The following RASA1 variants were observed in gnomAD, a reference collection of about 807,000 sequenced individuals.
RASA1 encodes the protein RAS p21 protein activator 1.
Under a neutral mutation model 132.2 loss-of-function variants are expected in RASA1, and 25 were observed. That is an observed-to-expected ratio of 0.19 (90% CI 0.14 to 0.26). RASA1 has a LOEUF of 0.26. RASA1 is among the 10% of genes least tolerant of loss of function. The pLI, the probability that RASA1 is intolerant of heterozygous loss-of-function variation, is 1.00. For missense variants in RASA1, 964 were observed against 1,299.2 expected, an observed-to-expected ratio of 0.74 and a Z score of 3.97; for synonymous variants, 477 against 449.9, an observed-to-expected ratio of 1.06 and a Z score of -0.76.
intron 18 of RASA1, 90 bp downstream of exon 18, chr5:87,378,628 T>C (rs1025560119): frequency 1.3e-5 from 17 of 1,338,196 alleles, no homozygotes; most frequent in Non-Finnish European, 1.8e-5. Context: ...AAGGAAAATA[T>C]ATTAAATTTC....
At chr5:87,370,617 G>A (rs2112476480) in intron 12 of RASA1, among the ~76,000 whole-genome samples, 1 of 152,250 alleles carries the variant, frequency 6.6e-6, no homozygotes, top group Admixed American at 6.5e-5. Context: ...GTAAGATCGA[G>A]ACACTGTAAG....
intron 4 of RASA1, 82 bp from the exon 5 acceptor site, chr5:87,337,892 A>G (rs1758088609): frequency 9.4e-6 from 13 of 1,385,602 alleles, no homozygotes; most frequent in East Asian, 2.6e-5. Flanking sequence ...TACTATCCCT[A>G]TCCTATTTTG....
chr5:87,362,265 C>T (rs777296299), intron 9 of RASA1, among the ~76,000 whole-genome samples: 19 of 152,130 alleles, frequency 1.2e-4, no homozygotes, highest in South Asian at 2.1e-4. Context: ...ATATAACTGA[C>T]TGTATTCGAA....
intron 1 of RASA1, among the ~76,000 whole-genome samples, chr5:87,286,766 T>C (rs1754582536): frequency 1.3e-5 from 2 of 151,196 alleles, no homozygotes; most frequent in Non-Finnish European, 3.0e-5. Flanking sequence ...CTAAAAGAAA[T>C]AGATTTTACA....
intron 1 of RASA1, among the ~76,000 whole-genome samples, chr5:87,274,338 CATTCTT>C (rs1753977380): frequency 1.3e-5 from 2 of 152,204 alleles, no homozygotes; most frequent in East Asian, 3.9e-4. Context: ...AAAATAAAAT[CATTCTT>C]ATTAAGTCAA....
At chr5:87,314,667 C>T (rs1756184905) in intron 1 of RASA1, among the ~76,000 whole-genome samples, 1 of 151,100 alleles carries the variant, frequency 6.6e-6, no homozygotes, top group Admixed American at 6.6e-5. Context: ...ATGTTAATGG[C>T]AAGTAAAGAT....
At chr5:87,281,346 C>T (rs1486062259) in intron 1 of RASA1, among the ~76,000 whole-genome samples, 1 of 151,300 alleles carries the variant, frequency 6.6e-6, no homozygotes, top group African/African-American at 2.4e-5. Context: ...GCAATCTCGT[C>T]TTACTGCAAT....
intron 18 of RASA1, 142 bp downstream of exon 18, chr5:87,378,680 T>C (rs1210280284): frequency 3.4e-6 from 3 of 883,500 alleles, no homozygotes; most frequent in South Asian, 1.7e-5. Context: ...CTGTAATACA[T>C]TTATAAAAAT....
At chr5:87,303,390 T>C (rs1381406431) in intron 1 of RASA1, among the ~76,000 whole-genome samples, 1 of 152,130 alleles carries the variant, frequency 6.6e-6, no homozygotes, top group Non-Finnish European at 1.5e-5. Flanking sequence ...ACTTTTTGTC[T>C]TTTCTAATTT....
intron 9 of RASA1, among the ~76,000 whole-genome samples, chr5:87,356,484 G>A (rs1759659965): frequency 1.3e-5 from 2 of 151,818 alleles, no homozygotes; most frequent in South Asian, 2.1e-4. Flanking sequence ...TGAGCTCCTG[G>A]GCTCAAGCAA....
At chr5:87,347,875 C>A (rs1223721110) in intron 7 of RASA1, among the ~76,000 whole-genome samples, 1 of 151,928 alleles carries the variant, frequency 6.6e-6, no homozygotes, top group Non-Finnish European at 1.5e-5. Context: ...ACTTGTACCA[C>A]CAAGTACTTG....
chr5:87,377,004 T>C lies in RASA1; in HGVS notation c.2308T>C (p.Leu770=). The stretch of plus-strand genomic sequence containing the variant: ...TCACGAAAAGCTTGAATCGTTGTTG[T>C]TATGCACACTAAATGACAGAGAAAT... ...FLHEKLESLL[L]CTLNDREISM... Residue 770 remains leucine, a synonymous_variant, in exon 17 of 25, where the codon TTA becomes CTA. Coordinates refer to ENST00000274376, the MANE Select transcript of RASA1 (RefSeq NM_002890.3). 6.2e-7 allele frequency: 1 copy of C among 1,613,870 alleles called. No individual in the cohort carries two copies. The highest frequency in any genetic ancestry group is 8.5e-7 in the Non-Finnish European group (1 of 1,179,804).
At chr5:87,367,016 G>A (rs901865457) in intron 11 of RASA1, among the ~76,000 whole-genome samples, 4 of 152,204 alleles carry the variant, frequency 2.6e-5, no homozygotes, top group African/African-American at 9.6e-5. Flanking sequence ...CCATGGCAGA[G>A]TGAGGCCCGG....
At chr5:87,330,479 A>G (rs1188256852) in intron 1 of RASA1, among the ~76,000 whole-genome samples, 2 of 152,180 alleles carry the variant, frequency 1.3e-5, no homozygotes, top group Admixed American at 6.5e-5. Flanking sequence ...TCTAAGGATG[A>G]GTTTGGCTAA....
intron 22 of RASA1, among the ~76,000 whole-genome samples, 187 bp from the exon 23 acceptor site, chr5:87,386,639 T>C (rs1762080648): frequency 6.6e-6 from 1 of 152,084 alleles, no homozygotes; most frequent in Non-Finnish European, 1.5e-5. Flanking sequence ...TTAATTCTTG[T>C]GAATGTGTTG....
intron 1 of RASA1, among the ~76,000 whole-genome samples, chr5:87,318,038 C>T (rs1445386395): frequency 6.6e-6 from 1 of 151,868 alleles, no homozygotes; most frequent in African/African-American, 2.4e-5. Flanking sequence ...AAACAGTTTT[C>T]TAAAGGATAT....
chr5:87,328,934 A>G (rs970989816), intron 1 of RASA1, among the ~76,000 whole-genome samples: 2 of 151,762 alleles, frequency 1.3e-5, no homozygotes, highest in Admixed American at 1.3e-4. Context: ...GATCAAATCA[A>G]CTAAGTAAAT....
At chr5:87,382,706 A>G (rs909380230) in intron 20 of RASA1, among the ~76,000 whole-genome samples, 1 of 152,174 alleles carries the variant, frequency 6.6e-6, no homozygotes, top group Admixed American at 6.6e-5. Flanking sequence ...CATATATGAC[A>G]GCTGTTAGTA....
chr5:87,340,773 G>A (rs1044107676), intron 5 of RASA1, among the ~76,000 whole-genome samples: 2 of 152,032 alleles, frequency 1.3e-5, no homozygotes, highest in South Asian at 2.1e-4. Flanking sequence ...AGCAAAAAGT[G>A]GAAAGTACAT....
Sources: allele counts gnomAD v4.1 joint callset (sites outside exome capture counted in the v4.1 genomes callset), GRCh38; gene constraint gnomAD v4.1.1; transcripts MANE v1.5; gene names NCBI Gene and HGNC (gene_info 2026-07-23, HGNC 2026-07-21).